The following BAZ2B variants were observed in gnomAD, a reference collection of about 807,000 sequenced individuals.
BAZ2B encodes bromodomain adjacent to zinc finger domain 2B, also known as bromodomain adjacent to zinc finger domain protein 2B.
In BAZ2B, 91 loss-of-function variants were observed where a neutral mutation model predicts 246.0. That is an observed-to-expected ratio of 0.37 (90% CI 0.31 to 0.44). The LOEUF is 0.44. BAZ2B is among the 20% of genes least tolerant of loss of function. BAZ2B has a pLI of 1.00. For missense variants in BAZ2B, 2,332 were observed against 2,533.7 expected, an observed-to-expected ratio of 0.92 and a Z score of 1.71; for synonymous variants, 855 against 860.0, an observed-to-expected ratio of 0.99 and a Z score of 0.10.
chr2:159,542,795 G>T (rs1178453505), intron 2 of BAZ2B, among the ~76,000 whole-genome samples: 2 of 151,656 alleles, frequency 1.3e-5, no homozygotes, highest in Non-Finnish European at 2.9e-5. Context: ...AATATATCCA[G>T]CAAAACTATA....
intron 1 of BAZ2B, among the ~76,000 whole-genome samples, chr2:159,601,837 C>T (rs1471934932): frequency 6.6e-6 from 1 of 152,034 alleles, no homozygotes; most frequent in Non-Finnish European, 1.5e-5. Flanking sequence ...GAATCATTTC[C>T]AAAGTCAGGA....
intron 3 of BAZ2B, among the ~76,000 whole-genome samples, chr2:159,477,245 C>T (rs1044775328): frequency 6.6e-6 from 1 of 152,042 alleles, no homozygotes; most frequent in Non-Finnish European, 1.5e-5. Flanking sequence ...GTGGAGCTTG[C>T]AGTGAGCCAA....
intron 2 of BAZ2B, among the ~76,000 whole-genome samples, chr2:159,482,145 A>AAC (rs1553660338): frequency 1.5e-4 from 23 of 151,110 alleles, no homozygotes; most frequent in African/African-American, 5.3e-4. Flanking sequence ...CAAAAAAAAA[A>AAC]CCCACAAAGT....
chr2:159,667,764 C>A, the BAZ2B span, among the ~76,000 whole-genome samples: 1 of 151,958 alleles, frequency 6.6e-6, no homozygotes, highest in Non-Finnish European at 1.5e-5. Flanking sequence ...ACGGGCTTTT[C>A]ATTTTGCCAA....
At chr2:159,573,100 T>A (rs1041600712) in intron 1 of BAZ2B, among the ~76,000 whole-genome samples, 1 of 152,126 alleles carries the variant, frequency 6.6e-6, no homozygotes, top group Admixed American at 6.6e-5. Context: ...AGGGGTGGGG[T>A]ATAACTGAAT....
At chr2:159,546,141 T>C (rs1413336490) in intron 2 of BAZ2B, among the ~76,000 whole-genome samples, 1 of 152,180 alleles carries the variant, frequency 6.6e-6, no homozygotes, top group African/African-American at 2.4e-5. Context: ...AGTCTAGTGA[T>C]ATGGTTTGGC....
At chr2:159,493,352 T>C (rs751238297) in intron 2 of BAZ2B, among the ~76,000 whole-genome samples, 22 of 152,204 alleles carry the variant, frequency 1.4e-4, no homozygotes, top group Admixed American at 9.8e-4. Flanking sequence ...ACAGTGTCTA[T>C]CTAAATGATA....
chr2:159,692,558 A>T, the BAZ2B span, among the ~76,000 whole-genome samples: 1 of 152,158 alleles, frequency 6.6e-6, no homozygotes, highest in Non-Finnish European at 1.5e-5. Flanking sequence ...TTATTGAAAC[A>T]AGTCTGCAGA....
intron 25 of BAZ2B, among the ~76,000 whole-genome samples, chr2:159,376,753 AATTTTTAAGAC>A (rs988884464): frequency 2.8e-4 from 43 of 152,322 alleles, no homozygotes; most frequent in African/African-American, 9.9e-4. Context: ...TTCTAACTGC[AATTTTTAAGAC>A]TCTTCCTATG....
At chr2:159,355,157 A>G (rs1334178441) in intron 27 of BAZ2B, among the ~76,000 whole-genome samples, 1 of 152,194 alleles carries the variant, frequency 6.6e-6, no homozygotes, top group Admixed American at 6.5e-5. Context: ...GAAAAAGAAA[A>G]AGCAAGAAAT....
At chr2:159,638,076 C>CAG in the BAZ2B span, among the ~76,000 whole-genome samples, 1 of 151,954 alleles carries the variant, frequency 6.6e-6, no homozygotes, top group Non-Finnish European at 1.5e-5. Flanking sequence ...ACTCAGCACA[C>CAG]AGAGAGAGAG....
At chr2:159,471,003 T>C (rs1238424240) in intron 3 of BAZ2B, among the ~76,000 whole-genome samples, 4 of 151,870 alleles carry the variant, frequency 2.6e-5, no homozygotes, top group Admixed American at 6.6e-5. Flanking sequence ...AAGCCTTGAT[T>C]TATGAGTACA....
At chr2:159,328,275 A>G (rs904242858) in intron 34 of BAZ2B, among the ~76,000 whole-genome samples, 1 of 152,056 alleles carries the variant, frequency 6.6e-6, no homozygotes, top group Non-Finnish European at 1.5e-5. Flanking sequence ...CCCAACCCCC[A>G]TCACCTTTTC....
the BAZ2B span, among the ~76,000 whole-genome samples, chr2:159,659,587 G>A: frequency 4.6e-5 from 7 of 152,226 alleles, no homozygotes; most frequent in Non-Finnish European, 1.0e-4. Flanking sequence ...CTCCACTTCT[G>A]AGTATTCCTC....
chr2:159,534,327 A>G (rs1196886753), intron 2 of BAZ2B, among the ~76,000 whole-genome samples: 1 of 152,186 alleles, frequency 6.6e-6, no homozygotes, highest in African/African-American at 2.4e-5. Flanking sequence ...ACTACTACAT[A>G]CCTAGGTTAT....
At chr2:159,543,701 A>G (rs2086939587) in intron 2 of BAZ2B, among the ~76,000 whole-genome samples, 1 of 152,058 alleles carries the variant, frequency 6.6e-6, no homozygotes, top group Non-Finnish European at 1.5e-5. Flanking sequence ...ACACCCAGCT[A>G]ATTTTTGTAT....
chr2:159,600,787 A>T (rs931177100), intron 1 of BAZ2B, among the ~76,000 whole-genome samples: 2 of 152,178 alleles, frequency 1.3e-5, no homozygotes, highest in Non-Finnish European at 2.9e-5. Context: ...AAGTGGGGGG[A>T]ATCACAGATC....
chr2:159,528,215 C>A (rs565718908), intron 2 of BAZ2B, among the ~76,000 whole-genome samples: 2 of 152,028 alleles, frequency 1.3e-5, no homozygotes, highest in Non-Finnish European at 2.9e-5. Flanking sequence ...TGAACTTGGA[C>A]ACAGCAAGAC....
the BAZ2B span, among the ~76,000 whole-genome samples, chr2:159,696,620 T>C: frequency 6.6e-6 from 1 of 152,224 alleles, no homozygotes. Flanking sequence ...TCTTCTCCTG[T>C]GCAGTTTTTC....
Sources: gnomAD v4.1 joint callset for allele counts (sites outside exome capture counted in the v4.1 genomes callset) on GRCh38, gnomAD v4.1.1 for gene constraint, MANE v1.5 for transcripts, NCBI Gene and HGNC (gene_info 2026-07-23, HGNC 2026-07-21) for gene names.